The following CCDC170 variants were observed in gnomAD, a reference collection of about 807,000 sequenced individuals.
CCDC170 encodes coiled-coil domain-containing protein 170.
In CCDC170, 69 loss-of-function variants were observed where a neutral mutation model predicts 72.6. The observed-to-expected ratio is 0.95, with a 90% CI of 0.78 to 1.16. CCDC170 has a LOEUF of 1.16. Ranked by LOEUF, CCDC170 falls within the 50% of genes most tolerant of loss-of-function variation. The pLI is 0.00. For missense variants in CCDC170, 852 were observed against 832.5 expected (o/e 1.02, Z -0.29); for synonymous variants, 300 against 303.9 (o/e 0.99, Z 0.13).
At chr6:151,518,866 G>A (rs1782273470) in intron 1 of CCDC170, among the ~76,000 whole-genome samples, 1 of 152,146 alleles carries the variant, frequency 6.6e-6, no homozygotes, top group Non-Finnish European at 1.5e-5. Flanking sequence ...CAGGGAGCAG[G>A]TCACAAAGAT....
Position 151,586,033 on chromosome 6 carries a change from G to A in CCDC170, c.1237G>A (p.Ala413Thr). 1.2e-6 allele frequency: 2 copies of A among 1,614,214 alleles called. No individual in the cohort carries two copies. Among genetic ancestry groups the A allele is most frequent in the Non-Finnish European group, 8.5e-7 (1 of 1,180,010 alleles). Residue 413 changes from alanine (A) to threonine (T), a missense_variant, in exon 7 of 11, where the codon GCA becomes ACA. By Grantham distance (58) the Ala-to-Thr change is moderately conservative (BLOSUM62 0). Coordinates refer to ENST00000239374, the MANE Select transcript of CCDC170 (RefSeq NM_025059.4). ...TCAGGGTCAGCTGACACACCTGGAG[G>A]CAGAGCTGGTTTCTGGAGGTGTTTT... The part of the protein sequence containing the change: ...TLQGQLTHLE[A>T]ELVSGGVLRD...
intron 1 of CCDC170, among the ~76,000 whole-genome samples, chr6:151,512,290 T>G (rs1372083008): frequency 6.6e-6 from 1 of 151,230 alleles, no homozygotes; most frequent in Non-Finnish European, 1.5e-5. Context: ...CTCCCGAGTA[T>G]CTGGGACTAT....
chr6:151,588,801 C>G (rs1329853657), intron 7 of CCDC170, among the ~76,000 whole-genome samples: 1 of 151,670 alleles, frequency 6.6e-6, no homozygotes, highest in African/African-American at 2.4e-5. Context: ...TTTAGCTGGG[C>G]ATGGTGGCAC....
intron 4 of CCDC170, among the ~76,000 whole-genome samples, chr6:151,545,047 T>A (rs1008269561): frequency 2.0e-5 from 3 of 152,142 alleles, no homozygotes; most frequent in African/African-American, 2.4e-5. Context: ...GCCAGACATA[T>A]ACTCACACAA....
chr6:151,612,337 A>G lies in CCDC170; in HGVS notation c.1711-3106A>G, dbSNP rs1038305. On this transcript the variant is annotated intron_variant, in intron 9 of 10. Coordinates refer to ENST00000239374, the MANE Select transcript of CCDC170 (RefSeq NM_025059.4). ...TGACAGTAGTCTCCACATGTCATCA[A>G]CGTAAGTCATAGTCATCTCAAAGCC... Among the ~76,000 whole-genome samples, 668 of 152,332 alleles carry G rather than the reference A, an allele frequency of 4.4e-3. 5 individuals carry two copies. Among genetic ancestry groups the G allele is most frequent in the African/African-American group, 0.013 (549 of 41,582 alleles).
chr6:151,496,116 C>A (rs1419213335), intron 1 of CCDC170, among the ~76,000 whole-genome samples: 1 of 151,888 alleles, frequency 6.6e-6, no homozygotes, highest in Non-Finnish European at 1.5e-5. Flanking sequence ...TTTGCAGAGT[C>A]CAGGTCATTC....
rs772693160 is a variant in CCDC170 at position 151,596,293 on chromosome 6, G to A, written c.1468-42G>A. ...GGGTAACTCATTTATATTTACTATT[G>A]TTCAATTATTAAAAAAAAAATCCCT... is the stretch of plus-strand genomic sequence containing the variant. On this transcript the variant is annotated intron_variant, in intron 8 of 10. Coordinates refer to ENST00000239374, the MANE Select transcript of CCDC170 (RefSeq NM_025059.4). 3.9e-6 allele frequency: 6 copies of A among 1,546,864 alleles called. No individual in the cohort carries two copies. In the South Asian group the frequency reaches 6.3e-5, roughly 16 times the overall value.
chr6:151,557,864 C>A (rs1783008346), intron 5 of CCDC170, among the ~76,000 whole-genome samples: 1 of 152,126 alleles, frequency 6.6e-6, no homozygotes, highest in Non-Finnish European at 1.5e-5. Flanking sequence ...TTTGGGAGGC[C>A]AAGGTGAGTG....
intron 1 of CCDC170, among the ~76,000 whole-genome samples, chr6:151,510,724 T>C (rs545239139): frequency 2.3e-5 from 3 of 130,396 alleles, no homozygotes; most frequent in African/African-American, 9.2e-5. Context: ...TATAATTTTA[T>C]AAGTAAGTTT....
chr6:151,494,077 G>T lies in CCDC170; in HGVS notation c.-52G>T. ...CCACCCGCCGGCTCCCGGCGCCGCC[G>T]CTTCCTCAGGGCCGGTTCCGGGTCC... On this transcript the variant is annotated 5_prime_UTR_variant, in exon 1 of 11. Transcript: ENST00000239374. 6.9e-7 allele frequency: 1 copy of T among 1,446,448 alleles called. No homozygotes were observed. 89.6% of individuals were successfully genotyped at this position (1,446,448 alleles called of 1,614,324 possible). A position where few individuals can be genotyped will look rare whatever the true frequency, so the allele number is the denominator to read the frequency against.
intron 6 of CCDC170, among the ~76,000 whole-genome samples, chr6:151,579,234 G>C (rs1177337288): frequency 1.3e-5 from 2 of 152,050 alleles, no homozygotes; most frequent in East Asian, 3.9e-4. Context: ...TAGACTTTTT[G>C]GTGTGAAAAA....
At chr6:151,527,048 C>CTCT (rs1468084609) in intron 1 of CCDC170, among the ~76,000 whole-genome samples, 1 of 106,026 alleles carries the variant, frequency 9.4e-6, no homozygotes. Context: ...CCATGCTTAG[C>CTCT]TATTTTTTTT....
chr6:151,557,853 C>T (rs1411085415), intron 5 of CCDC170, among the ~76,000 whole-genome samples: 1 of 152,176 alleles, frequency 6.6e-6, no homozygotes, highest in African/African-American at 2.4e-5. Context: ...AATCCCAGCA[C>T]TTTGGGAGGC....
At chr6:151,520,554 G>C (rs1356636809) in intron 1 of CCDC170, among the ~76,000 whole-genome samples, 2 of 152,188 alleles carry the variant, frequency 1.3e-5, no homozygotes, top group Non-Finnish European at 2.9e-5. Flanking sequence ...CTTGCCTGGG[G>C]ACTAGACTGC....
chr6:151,586,280 T>C (rs1776450169), intron 7 of CCDC170, among the ~76,000 whole-genome samples, 191 bp downstream of exon 7: 2 of 152,288 alleles, frequency 1.3e-5, no homozygotes, highest in Non-Finnish European at 2.9e-5. Context: ...AACGAGTATT[T>C]ATTGAATGCC....
intron 5 of CCDC170, among the ~76,000 whole-genome samples, chr6:151,565,276 G>A (rs1776114545): frequency 6.6e-6 from 1 of 152,206 alleles, no homozygotes; most frequent in African/African-American, 2.4e-5. Context: ...TAGCTGCCTA[G>A]GACTCAGGGT....
intron 5 of CCDC170, among the ~76,000 whole-genome samples, chr6:151,560,122 T>A (rs1783053414): frequency 6.6e-6 from 1 of 152,218 alleles, no homozygotes; most frequent in Non-Finnish European, 1.5e-5. Context: ...CTCTTAACAC[T>A]ACTTTTGCTG....
intron 7 of CCDC170, among the ~76,000 whole-genome samples, chr6:151,590,646 C>G (rs1776520826): frequency 6.6e-6 from 1 of 152,204 alleles, no homozygotes; most frequent in African/African-American, 2.4e-5. Flanking sequence ...ACAATATATA[C>G]AGTAATCCTT....
At chr6:151,560,774 G>T (rs1783064437) in intron 5 of CCDC170, among the ~76,000 whole-genome samples, 1 of 152,014 alleles carries the variant, frequency 6.6e-6, no homozygotes, top group Non-Finnish European at 1.5e-5. Context: ...TACAAGAATA[G>T]CAACTTTTGC....
Sources: allele counts gnomAD v4.1 joint callset (sites outside exome capture counted in the v4.1 genomes callset), GRCh38; gene constraint gnomAD v4.1.1; transcripts MANE v1.5; gene names NCBI Gene and HGNC (gene_info 2026-07-23, HGNC 2026-07-21).